Variants in ZNF266 observed in about 807,000 individuals in gnomAD.
ZNF266 encodes the protein zinc finger protein 1.
ZNF266 carries 16 observed loss-of-function variants against 16.4 expected under a neutral mutation model. That is an observed-to-expected ratio of 0.98 (90% CI 0.66 to 1.48). ZNF266 has a LOEUF of 1.48. ZNF266 is among the 40% of genes most tolerant of loss of function. The pLI is 0.00. For synonymous variants in ZNF266, 262 were observed against 237.9 expected (o/e 1.10, Z -0.93); for missense variants, 738 against 689.1 (o/e 1.07, Z -0.79).
At chr19:9,417,378 AT>A (rs2069198602) in intron 9 of ZNF266, among the ~76,000 whole-genome samples, 1 of 151,990 alleles carries the variant, frequency 6.6e-6, no homozygotes, top group African/African-American at 2.4e-5. Flanking sequence ...TCAGAAAAAA[AT>A]AAAAATAAAA....
intron 5 of ZNF266, among the ~76,000 whole-genome samples, chr19:9,427,634 C>T (rs1156615575): frequency 6.6e-6 from 1 of 152,126 alleles, no homozygotes; most frequent in Non-Finnish European, 1.5e-5. Flanking sequence ...GCCTGGACAA[C>T]ATGCCCTGTT....
chr19:9,422,999 G>C (rs1036313888), intron 5 of ZNF266, among the ~76,000 whole-genome samples: 1 of 152,204 alleles, frequency 6.6e-6, no homozygotes, highest in Non-Finnish European at 1.5e-5. Flanking sequence ...TGCCTGCCGT[G>C]ATCCACTAGA....
chr19:9,413,317 T>G lies in ZNF266; in HGVS notation c.1809A>C (p.Arg603=), dbSNP rs760160371. The G allele has an allele frequency of 1.2e-6, 2 of 1,604,892 alleles. No homozygotes were observed. Among genetic ancestry groups the G allele is most frequent in the Admixed American group, 1.7e-5 (1 of 58,816 alleles). The change falls in exon 11 of 11, where the codon CGA becomes CGC. Residue 603 remains arginine (R), a synonymous_variant. Coordinates refer to ENST00000592904, the MANE Select transcript of ZNF266 (RefSeq NM_001370374.1). The part of the protein sequence containing the change: ...GKAFSSSSSF[R]NHERRHADER... ...CATCCGCATGCCTTCTTTCATGATTTCGAAAGGAACTGGAAGAACTGAAGG... is the reference window on the plus strand; with the variant it reads ...CATCCGCATGCCTTCTTTCATGATTGCGAAAGGAACTGGAAGAACTGAAGG...
At chr19:9,434,306 T>C (rs764874689) in intron 3 of ZNF266, 71 bp from the exon 4 acceptor site, 15 of 152,336 alleles carry the variant, frequency 9.8e-5, no homozygotes, top group South Asian at 8.3e-4. Flanking sequence ...CAATTTGTAA[T>C]ACACTTATTT....
chr19:9,434,822 T>TAA lies in ZNF266; in HGVS notation c.-436_-435dup, dbSNP rs1217624409. ...CTTCAAAGCCTCCATTCCTTCTTCC[T>TAA]AAAAGCCCGTTTTGAAGCTCTGTGG... On this transcript the variant is annotated 5_prime_UTR_variant, in exon 3 of 11. Transcript: ENST00000592904. The TAA allele has an allele frequency of 9.2e-6, 1 of 109,266 alleles. No individual in the cohort carries two copies. Among genetic ancestry groups the TAA allele is most frequent in the Non-Finnish European group, 2.0e-5 (1 of 50,302 alleles). The allele number at this position is 109,266 out of a possible 1,614,324, so 6.8% of individuals were successfully genotyped here.
At position 9,418,608 on chromosome 19, in the gene ZNF266, C is replaced by A; in HGVS notation, c.132G>T (p.Leu44=). The A allele has an allele frequency of 6.5e-7, 1 of 1,527,816 alleles. No homozygotes were observed. The highest frequency in any genetic ancestry group is 1.1e-5 in the South Asian group (1 of 89,270). The allele number at this position is 1,527,816 out of a possible 1,614,324, so 94.6% of individuals were successfully genotyped here. The stretch of plus-strand genomic sequence containing the variant: ...ATTCTTCTGGGGTGAAGTCCACAGC[C>A]AGATCATCAAAAGTCACTGAATCCT... The part of the protein sequence containing the change: ...CYQDSVTFDD[L]AVDFTPEEWT... The change falls in exon 8 of 11, where the codon CTG becomes CTT. Residue 44 remains leucine (L), a synonymous_variant. Coordinates refer to ENST00000592904, the MANE Select transcript of ZNF266 (RefSeq NM_001370374.1).
Position 9,413,470 on chromosome 19 carries a change from G to A in ZNF266, c.1656C>T (p.Ile552=), listed in dbSNP as rs2068512570. The A allele has an allele frequency of 6.2e-7, 1 of 1,613,804 alleles. No homozygotes were observed. The highest frequency in any genetic ancestry group is 1.1e-5 in the South Asian group (1 of 91,064). ...FPTCVNLHMR[I]HTGEKPYKCK... ...ATTTGTAGGGTTTTTCTCCAGTGTG[G>A]ATCCGCATGTGAAGGTTAACACACG... Residue 552 remains isoleucine (I), a synonymous_variant, in exon 11 of 11, where the codon ATC becomes ATT. Coordinates refer to ENST00000592904, the MANE Select transcript of ZNF266 (RefSeq NM_001370374.1).
chr19:9,418,496 C>T lies in ZNF266; in HGVS notation c.235+9G>A. The T allele has an allele frequency of 6.2e-7, 1 of 1,614,062 alleles. No homozygotes were observed. The highest frequency in any genetic ancestry group is 1.7e-4 in the Middle Eastern group (1 of 6,060). ...CATAGTAGGCTACAAGGGATGAGGC[C>T]AGTCTTACCTACTGTGGCCAAATTC... On this transcript the variant is annotated intron_variant, in intron 8 of 10. Coordinates refer to ENST00000592904, the MANE Select transcript of ZNF266 (RefSeq NM_001370374.1).
rs749427845 is a variant in ZNF266 at position 9,415,674 on chromosome 19, T to C, written c.385A>G (p.Thr129Ala). 36 of 1,612,746 alleles carry C rather than the reference T, an allele frequency of 2.2e-5. No individual in the cohort carries two copies. Among genetic ancestry groups the C allele is most frequent in the South Asian group, 2.2e-4 (20 of 91,062 alleles). Residue 129 changes from threonine (T) to alanine (A), a missense_variant, in exon 10 of 11, where the codon ACC becomes GCC. Physicochemically the swap from Thr to Ala is moderately conservative, Grantham distance 58. Transcript: ENST00000592904. ...ALQQDVLGEP[T>A]SSGIQMIGSH... is the part of the protein sequence containing the mutation. Reference sequence around the variant, plus strand: ...CTTACCATTTGAATCCCACTGGAGGTTGGCTCCCCCAAAACATCCTGCTGA... The same window carrying C: ...CTTACCATTTGAATCCCACTGGAGGCTGGCTCCCCCAAAACATCCTGCTGA...
rs1446821686 is a variant in ZNF266, at chr19:9,424,620, CGTAT to C, written c.-129-4406_-129-4403del. On this transcript the variant is annotated intron_variant, in intron 5 of 10. Coordinates refer to ENST00000592904, the MANE Select transcript of ZNF266 (RefSeq NM_001370374.1). ...GCATGTTTTCTCTCTGCTTGTTATA[CGTAT>C]GTGTGTTTATATCCATGTGTTTATT... Among the ~76,000 whole-genome samples the C allele has an allele frequency of 3.3e-5, 5 of 152,272 alleles. No homozygotes were observed. The East Asian group carries it at 7.7e-4, about 23-fold the overall frequency.
rs745795254 is a variant in ZNF266 at position 9,413,797 on chromosome 19, T to TCCACTGTG, written c.1321_1328dup (p.Glu444ThrfsTer54). 1 of 1,614,132 alleles carries TCCACTGTG rather than the reference T, an allele frequency of 6.2e-7. No homozygotes were observed. Among genetic ancestry groups the TCCACTGTG allele is most frequent in the Non-Finnish European group, 8.5e-7 (1 of 1,180,006 alleles). The stretch of plus-strand genomic sequence containing the variant: ...ATTCCTTACATTCATAGGGCCTCTC[T>TCCACTGTG]CCACTGTGAGTTCGTGCATGCTTAG... On this transcript the variant is annotated frameshift_variant, in exon 11 of 11. Coordinates refer to ENST00000592904, the MANE Select transcript of ZNF266 (RefSeq NM_001370374.1). LOFTEE classifies it low-confidence loss of function (END_TRUNC).
Position 9,413,557 on chromosome 19 carries a change from C to G in ZNF266, c.1569G>C (p.Arg523=), listed in dbSNP as rs2068531075. 3 of 1,614,098 alleles carry G rather than the reference C, an allele frequency of 1.9e-6. No individual in the cohort carries two copies. In the East Asian group the frequency reaches 6.7e-5, roughly 36 times the overall value. Residue 523 remains arginine, a synonymous_variant, in exon 11 of 11, where the codon CGG becomes CGC. Coordinates refer to ENST00000592904, the MANE Select transcript of ZNF266 (RefSeq NM_001370374.1). ...THSSSLNNHM[R]THSAKKPFTC... ...TGAATGGTTTTTTGGCGCTGTGGGT[C>G]CGCATGTGATTATTAAGACTGGAGG...
In ZNF266 at chr19:9,414,593, T is replaced by C. The variant is rs1422381262; in HGVS notation, c.533A>G (p.Tyr178Cys). The C allele has an allele frequency of 7.4e-6, 12 of 1,613,430 alleles. No homozygotes were observed. In the South Asian group the frequency reaches 1.3e-4, roughly 18 times the overall value. Reference protein sequence around the residue: ...NSENTFECYLYGVDFLTLHKK... With the variant: ...NSENTFECYLCGVDFLTLHKK... The stretch of plus-strand genomic sequence containing the variant: ...GTGCAGAGTAAGGAAGTCTACTCCA[T>C]ACAGATAACACTCAAATGTGTTCTC... Residue 178 changes from tyrosine (Y) to cysteine (C), a missense_variant, in exon 11 of 11, where the codon TAT becomes TGT. By Grantham distance (194) the Tyr-to-Cys change is radical. Coordinates refer to ENST00000592904, the MANE Select transcript of ZNF266 (RefSeq NM_001370374.1).
rs903732949 is a variant in ZNF266 at position 9,412,958 on chromosome 19, T to C, written c.*317A>G. On this transcript the variant is annotated 3_prime_UTR_variant, in exon 11 of 11. Transcript: ENST00000592904. ...CATCATCCAGACCATACCATTTAAA[T>C]TGCAGGGTTTCTCTCCAATGTGAGT... 4 of 330,896 alleles carry C rather than the reference T, an allele frequency of 1.2e-5. No homozygotes were observed. The highest frequency in any genetic ancestry group is 2.1e-5 in the African/African-American group (1 of 47,094). The allele number at this position is 330,896 out of a possible 1,614,324, so 20.5% of individuals were successfully genotyped here.
chr19:9,413,814 C>A lies in ZNF266; in HGVS notation c.1312G>T (p.Ala438Ser). The A allele has an allele frequency of 6.2e-7, 1 of 1,614,014 alleles. No homozygotes were observed. Among genetic ancestry groups the A allele is most frequent in the East Asian group, 2.2e-5 (1 of 44,858 alleles). Residue 438 changes from alanine (A) to serine (S), a missense_variant, in exon 11 of 11, where the codon GCA (alanine) becomes TCA (serine). Transcript: ENST00000592904. Reference sequence around the variant, plus strand: ...GGCCTCTCTCCACTGTGAGTTCGTGCATGCTTAGTAAGGTCTGAGTTCTGA... The same window carrying A: ...GGCCTCTCTCCACTGTGAGTTCGTGAATGCTTAGTAAGGTCTGAGTTCTGA... The part of the protein sequence containing the change: ...FTQNSDLTKH[A>S]RTHSGERPYE...
chr19:9,417,393 A>T (rs954122387), intron 9 of ZNF266, among the ~76,000 whole-genome samples: 1 of 151,758 alleles, frequency 6.6e-6, no homozygotes, highest in Non-Finnish European at 1.5e-5. Flanking sequence ...AATAAAAAAA[A>T]TAATGGCCTC....
At position 9,412,836 on chromosome 19, in the gene ZNF266, C is replaced by T; in HGVS notation, c.*439G>A. 1 of 161,240 alleles carries T rather than the reference C, an allele frequency of 6.2e-6. No individual in the cohort carries two copies. The highest frequency in any genetic ancestry group is 1.4e-5 in the Non-Finnish European group (1 of 73,482). 10.0% of individuals were successfully genotyped at this position (161,240 alleles called of 1,614,324 possible). On this transcript the variant is annotated 3_prime_UTR_variant, in exon 11 of 11. Coordinates refer to ENST00000592904, the MANE Select transcript of ZNF266 (RefSeq NM_001370374.1). Reference sequence around the variant, plus strand: ...TCAGATTAGGGATCGAACCCAACAACCTCATTTGAAGTTACTCACCTGTTT... The same window carrying T: ...TCAGATTAGGGATCGAACCCAACAATCTCATTTGAAGTTACTCACCTGTTT...
In ZNF266 at chr19:9,413,089, T is replaced by G; in HGVS notation, c.*186A>C. The G allele has an allele frequency of 3.0e-6, 2 of 667,322 alleles. No individual in the cohort carries two copies. The highest frequency in any genetic ancestry group is 4.8e-6 in the Non-Finnish European group (2 of 417,062). The allele number at this position is 667,322 out of a possible 1,614,324, so 41.3% of individuals were successfully genotyped here. On this transcript the variant is annotated 3_prime_UTR_variant, in exon 11 of 11. Transcript: ENST00000592904. ...GATTTCTGATGTGTTTGGTAAGGCT[T>G]GAGAATTCAGCAAAGTCATTTCCAC... is the stretch of plus-strand genomic sequence containing the variant.
intron 8 of ZNF266, 46 bp downstream of exon 8, chr19:9,418,459 C>G: frequency 6.2e-7 from 1 of 1,603,328 alleles, no homozygotes; most frequent in Non-Finnish European, 8.5e-7. Flanking sequence ...AAGTACATAA[C>G]ATAATCTGTT....
Sources: allele counts gnomAD v4.1 joint callset (sites outside exome capture counted in the v4.1 genomes callset), GRCh38; gene constraint gnomAD v4.1.1; transcripts MANE v1.5; gene names NCBI Gene and HGNC (gene_info 2026-07-23, HGNC 2026-07-21).